ERCC6L2: variants seen among roughly 807,000 people sequenced by gnomAD.
ERCC6L2 encodes ERCC excision repair 6 like 2.
Under a neutral mutation model 132.0 loss-of-function variants are expected in ERCC6L2, and 77 were observed. That is an observed-to-expected ratio of 0.58 (90% CI 0.49 to 0.71). The LOEUF is 0.71. Among genes scored for constraint, ERCC6L2 ranks in the 30% least tolerant of loss-of-function variants. ERCC6L2 has a pLI of 0.00. For synonymous variants in ERCC6L2, 583 were observed against 632.4 expected (o/e 0.92, Z 1.17); for missense variants, 1,542 against 1,837.6 (o/e 0.84, Z 2.94).
intron 19 of ERCC6L2, among the ~76,000 whole-genome samples, chr9:96,030,542 A>G (rs993320028): frequency 6.6e-6 from 1 of 152,036 alleles, no homozygotes; most frequent in African/African-American, 2.4e-5. Context: ...CTAAAAAAAA[A>G]TACAAAAAAA....
chr9:95,941,799 G>A (rs977346296), intron 12 of ERCC6L2, among the ~76,000 whole-genome samples: 2 of 152,126 alleles, frequency 1.3e-5, no homozygotes, highest in Non-Finnish European at 2.9e-5. Context: ...TCCTAATACT[G>A]TAGGAAAATA....
In ERCC6L2 at chr9:95,925,507, G is replaced by A. The variant is rs558059784; in HGVS notation, c.1533+2128G>A. Among the ~76,000 whole-genome samples the A allele has an allele frequency of 9.2e-5, 14 of 152,284 alleles. No homozygotes were observed. The East Asian group carries it at 2.7e-3, about 29-fold the overall frequency. ...GTCTTGTTCTGTGGAGGACAACTGA[G>A]TGATAAAACATTGGGTCTATATTGT... On this transcript the variant is annotated intron_variant, in intron 9 of 18. Transcript: ENST00000653738.
chr9:96,012,313 C>T lies in ERCC6L2; in HGVS notation c.3763C>T (p.Arg1255Ter), dbSNP rs138069275. 9.6e-6 allele frequency: 13 copies of T among 1,354,918 alleles called. No individual in the cohort carries two copies. The highest frequency in any genetic ancestry group is 1.5e-5 in the African/African-American group (1 of 67,556). The allele number at this position is 1,354,918 out of a possible 1,614,324, so 83.9% of individuals were successfully genotyped here. ...TATAACCAATGCCACATCAGAAGAA[C>T]GACAGAAAATGCTAAGAGACTTTTA... ...KHITNATSEE[R>*]QKMLRDFYAS... Residue 1255 changes from arginine (R) to a stop codon, truncating the protein, a stop_gained, in exon 19 of 19, where the codon CGA becomes TGA. Coordinates refer to ENST00000653738, the MANE Select transcript of ERCC6L2 (RefSeq NM_020207.7). LOFTEE classifies it low-confidence loss of function (END_TRUNC).
intron 11 of ERCC6L2, among the ~76,000 whole-genome samples, chr9:95,940,355 T>A (rs955517068): frequency 1.3e-5 from 2 of 151,324 alleles, no homozygotes; most frequent in Admixed American, 6.6e-5. Flanking sequence ...ATATATATAT[T>A]TTTATAGTCT....
chr9:96,002,172 G>GCA (rs900086763), intron 17 of ERCC6L2, among the ~76,000 whole-genome samples: 3 of 152,244 alleles, frequency 2.0e-5, no homozygotes, highest in Non-Finnish European at 2.9e-5. Flanking sequence ...CTCCCACAGT[G>GCA]CAGTGGGGGA....
At position 95,953,352 on chromosome 9, in the gene ERCC6L2, G is replaced by A. The variant is rs974547855; in HGVS notation, c.1848-2562G>A. Among the ~76,000 whole-genome samples the A allele has an allele frequency of 3.9e-5, 6 of 152,184 alleles. No homozygotes were observed. The South Asian group carries it at 6.2e-4, about 16-fold the overall frequency. On this transcript the variant is annotated intron_variant, in intron 12 of 18. Transcript: ENST00000653738. ...AGCACTTTGGGAGGCCGAGGCAGGCGGATCATGAGATCAGGAGGTCAAGAC... is the reference window on the plus strand; with the variant it reads ...AGCACTTTGGGAGGCCGAGGCAGGCAGATCATGAGATCAGGAGGTCAAGAC...
intron 16 of ERCC6L2, among the ~76,000 whole-genome samples, chr9:95,975,663 T>A (rs1305419571): frequency 6.6e-6 from 1 of 152,072 alleles, no homozygotes; most frequent in African/African-American, 2.4e-5. Context: ...TAGTTACTTG[T>A]TCTATTCCTT....
At chr9:96,031,477 A>G (rs75042472) in intron 19 of ERCC6L2, among the ~76,000 whole-genome samples, 24 of 152,362 alleles carry the variant, frequency 1.6e-4, no homozygotes, top group African/African-American at 5.3e-4. Context: ...CTCAGCCAGA[A>G]CAAACTCTGT....
intron 17 of ERCC6L2, among the ~76,000 whole-genome samples, chr9:95,982,000 A>G (rs778544292): frequency 6.6e-6 from 1 of 152,172 alleles, no homozygotes; most frequent in Non-Finnish European, 1.5e-5. Context: ...AAGAAACTAT[A>G]TCTGTATTTT....
intron 11 of ERCC6L2, among the ~76,000 whole-genome samples, chr9:95,932,119 G>A (rs1320882147): frequency 6.7e-6 from 1 of 150,132 alleles, no homozygotes; most frequent in Non-Finnish European, 1.5e-5. Context: ...GGCCCAGGCT[G>A]TATGGTGCAA....
chr9:95,925,173 A>G (rs1311673256), intron 9 of ERCC6L2, among the ~76,000 whole-genome samples: 2 of 152,226 alleles, frequency 1.3e-5, no homozygotes, highest in Non-Finnish European at 2.9e-5. Flanking sequence ...CCTCAAAGCT[A>G]CACTTATGAC....
chr9:95,922,476 T>G, intron 8 of ERCC6L2, 58 bp downstream of exon 8: 1 of 1,008,704 alleles, frequency 9.9e-7, no homozygotes, highest in Non-Finnish European at 1.5e-6. Context: ...TTTTATAAAG[T>G]TTTAAAATAG....
chr9:95,987,455 GC>G (rs748814955), intron 17 of ERCC6L2, among the ~76,000 whole-genome samples: 23 of 152,094 alleles, frequency 1.5e-4, no homozygotes, highest in Non-Finnish European at 2.8e-4. Context: ...GGTGCTAAAG[GC>G]CCCATGCAAG....
intron 2 of ERCC6L2, among the ~76,000 whole-genome samples, chr9:95,891,402 A>C (rs1828156114): frequency 6.6e-6 from 1 of 152,254 alleles, no homozygotes; most frequent in South Asian, 2.1e-4. Context: ...TTAATTCATT[A>C]TATAAAATGA....
chr9:96,040,677 G>A (rs990961252), intron 20 of ERCC6L2, among the ~76,000 whole-genome samples: 21 of 152,246 alleles, frequency 1.4e-4, no homozygotes, highest in Non-Finnish European at 2.8e-4. Flanking sequence ...GTCCGTATGC[G>A]TGGCCCATGG....
intron 2 of ERCC6L2, among the ~76,000 whole-genome samples, chr9:95,897,223 G>A (rs955771544): frequency 6.6e-6 from 1 of 152,120 alleles, no homozygotes; most frequent in Admixed American, 6.6e-5. Flanking sequence ...ACTTCACAGA[G>A]CAGCCAAGCA....
At chr9:95,998,145 CT>C (rs150091504) in intron 17 of ERCC6L2, among the ~76,000 whole-genome samples, 4,035 of 151,430 alleles carry the variant, frequency 0.027, 197 homozygotes, top group African/African-American at 0.093. Flanking sequence ...GCCATGGGCT[CT>C]TTTTTTTTGA....
In ERCC6L2 at chr9:95,976,339, G is replaced by A. The variant is rs893092919; in HGVS notation, c.3338-1722G>A. 4.6e-5 allele frequency among the ~76,000 whole-genome samples: 7 copies of A among 152,198 alleles called. No individual in the cohort carries two copies. The South Asian group carries it at 1.5e-3, about 32-fold the overall frequency. On this transcript the variant is annotated intron_variant, in intron 16 of 18. Coordinates refer to ENST00000653738, the MANE Select transcript of ERCC6L2 (RefSeq NM_020207.7). ...CTGACCTGGGTGGGAGCCCTGGTGG[G>A]TCAGTTTGGGGAGTTCTAGTGGTTG... is the stretch of plus-strand genomic sequence containing the variant.
chr9:95,978,358 C>A, intron 17 of ERCC6L2, 143 bp downstream of exon 17: 1 of 404,828 alleles, frequency 2.5e-6, no homozygotes, highest in Non-Finnish European at 3.9e-6. Flanking sequence ...ATCAAAACAC[C>A]ATTTGGGAAC....
Sources: allele counts gnomAD v4.1 joint callset (sites outside exome capture counted in the v4.1 genomes callset), GRCh38; gene constraint gnomAD v4.1.1; transcripts MANE v1.5; gene names NCBI Gene and HGNC (gene_info 2026-07-23, HGNC 2026-07-21).